The following EIF4G3 variants were observed in gnomAD, a reference collection of about 807,000 sequenced individuals.
EIF4G3 encodes eIF-4-gamma 3.
A neutral mutation model predicts 186.4 loss-of-function variants in EIF4G3; 34 were observed. That is an observed-to-expected ratio of 0.18 (90% CI 0.14 to 0.24). EIF4G3 has a LOEUF of 0.24. EIF4G3 is among the 10% of genes least tolerant of loss of function. The pLI is 1.00. For missense variants in EIF4G3, 1,536 were observed against 1,948.5 expected, an observed-to-expected ratio of 0.79 and a Z score of 3.99; for synonymous variants, 673 against 679.5, an observed-to-expected ratio of 0.99 and a Z score of 0.15.
intron 4 of EIF4G3, among the ~76,000 whole-genome samples, chr1:21,027,370 C>G (rs2092271764): frequency 1.3e-5 from 2 of 151,574 alleles, no homozygotes; most frequent in South Asian, 4.2e-4. Context: ...GTGGCTCGTG[C>G]CTGTAATCCC....
intron 2 of EIF4G3, among the ~76,000 whole-genome samples, chr1:21,159,915 G>A (rs2097731665): frequency 1.3e-5 from 2 of 152,138 alleles, no homozygotes; most frequent in Non-Finnish European, 2.9e-5. Flanking sequence ...AGACCAGCCT[G>A]GGCAACATGG....
At chr1:21,121,374 TTAAAA>T (rs1310898307) in intron 2 of EIF4G3, among the ~76,000 whole-genome samples, 1 of 152,148 alleles carries the variant, frequency 6.6e-6, no homozygotes, top group Non-Finnish European at 1.5e-5. Context: ...TTTCAAAAGT[TTAAAA>T]TAAATACATG....
intron 4 of EIF4G3, among the ~76,000 whole-genome samples, chr1:21,046,747 A>C (rs1310726835): frequency 1.3e-5 from 2 of 152,222 alleles, no homozygotes; most frequent in African/African-American, 4.8e-5. Flanking sequence ...GAAAATAACC[A>C]AGCCTAATAT....
Position 21,034,670 on chromosome 1 carries a change from G to A in EIF4G3, c.-67+16196C>T, listed in dbSNP as rs560341432. On this transcript the variant is annotated intron_variant, in intron 4 of 36. Transcript: ENST00000602326. ...CAAAGTGGCTGCTGACATGGCACTG[G>A]CAGAGGTGGGGTGCGGCCGCAGGCC... 1.7e-4 allele frequency among the ~76,000 whole-genome samples: 26 copies of A among 152,372 alleles called. No individual in the cohort carries two copies. The South Asian group carries it at 5.4e-3, about 32-fold the overall frequency.
At chr1:20,870,311 T>C (rs2078849024) in intron 20 of EIF4G3, among the ~76,000 whole-genome samples, 1 of 152,224 alleles carries the variant, frequency 6.6e-6, no homozygotes, top group African/African-American at 2.4e-5. Context: ...CTACAAGCTC[T>C]GTATCTGGCA....
chr1:21,120,292 C>T (rs1359953399), intron 2 of EIF4G3, among the ~76,000 whole-genome samples: 2 of 151,738 alleles, frequency 1.3e-5, no homozygotes, highest in African/African-American at 4.8e-5. Context: ...TGAGTAATCA[C>T]TCCTTTGTAA....
At chr1:21,090,057 T>C (rs2096133071) in intron 2 of EIF4G3, among the ~76,000 whole-genome samples, 1 of 152,208 alleles carries the variant, frequency 6.6e-6, no homozygotes, top group African/African-American at 2.4e-5. Flanking sequence ...CAGAACATGC[T>C]GATTTTTCAT....
At chr1:21,073,070 T>G (rs954271079) in intron 3 of EIF4G3, among the ~76,000 whole-genome samples, 2 of 152,188 alleles carry the variant, frequency 1.3e-5, no homozygotes, top group African/African-American at 4.8e-5. Context: ...CTGAATTCAT[T>G]TGGTCAGATT....
chr1:20,835,616 G>C (rs1214864099), intron 30 of EIF4G3, among the ~76,000 whole-genome samples: 1 of 152,052 alleles, frequency 6.6e-6, no homozygotes, highest in East Asian at 1.9e-4. Context: ...GAAAAAAACA[G>C]ATAAACTCAT....
chr1:20,996,735 G>T (rs547896400), intron 7 of EIF4G3, among the ~76,000 whole-genome samples: 10 of 152,160 alleles, frequency 6.6e-5, no homozygotes, highest in Non-Finnish European at 1.5e-4. Flanking sequence ...TAAGGCAGAG[G>T]TTATTTATCT....
chr1:20,960,666 G>A (rs1031256244), intron 12 of EIF4G3, among the ~76,000 whole-genome samples: 2 of 152,110 alleles, frequency 1.3e-5, no homozygotes, highest in African/African-American at 2.4e-5. Context: ...GGTGGAGGTG[G>A]GAGGATTGCT....
intron 4 of EIF4G3, among the ~76,000 whole-genome samples, chr1:21,028,190 GAA>G (rs2092373110): frequency 6.6e-6 from 1 of 152,164 alleles, no homozygotes; most frequent in Non-Finnish European, 1.5e-5. Context: ...CAAGATGAAA[GAA>G]AAGAGTTATA....
chr1:21,162,173 A>G (rs2097778323), intron 2 of EIF4G3: 1 of 152,434 alleles, frequency 6.6e-6, no homozygotes, highest in Non-Finnish European at 1.5e-5. Flanking sequence ...AATAATTTCC[A>G]TGTCTGTCTT....
chr1:21,171,917 C>T (rs1005358635), intron 2 of EIF4G3, among the ~76,000 whole-genome samples: 2 of 152,080 alleles, frequency 1.3e-5, no homozygotes, highest in African/African-American at 2.4e-5. Flanking sequence ...CTAGCAAGTA[C>T]TGTTTCTAAG....
chr1:21,022,401 T>C (rs577297579), intron 4 of EIF4G3, among the ~76,000 whole-genome samples: 1 of 152,334 alleles, frequency 6.6e-6, no homozygotes, highest in South Asian at 2.1e-4. Context: ...ACTCCCGTAG[T>C]ACTTACTCTG....
intron 12 of EIF4G3, among the ~76,000 whole-genome samples, chr1:20,963,800 C>A (rs1413459086): frequency 1.3e-5 from 2 of 151,870 alleles, no homozygotes; most frequent in Admixed American, 6.6e-5. Flanking sequence ...ACTAAAAATA[C>A]AAAAATTAGC....
At chr1:20,969,676 T>G in intron 11 of EIF4G3, 80 bp from the exon 12 acceptor site, 1 of 1,394,960 alleles carries the variant, frequency 7.2e-7, no homozygotes, top group Middle Eastern at 2.5e-4. Context: ...GAGTTAAAGG[T>G]GCAAACTGGG....
At chr1:21,076,645 A>G (rs1282794351) in intron 3 of EIF4G3, among the ~76,000 whole-genome samples, 1 of 152,234 alleles carries the variant, frequency 6.6e-6, no homozygotes, top group Non-Finnish European at 1.5e-5. Context: ...CCATTTATTT[A>G]TAGCCAATTC....
intron 33 of EIF4G3, among the ~76,000 whole-genome samples, chr1:20,823,716 CT>C: frequency 6.6e-6 from 1 of 152,202 alleles, no homozygotes; most frequent in South Asian, 2.1e-4. Flanking sequence ...TTTGACTAGT[CT>C]CTTGTTTGCT....
Sources: allele counts gnomAD v4.1 joint callset (sites outside exome capture counted in the v4.1 genomes callset), GRCh38; gene constraint gnomAD v4.1.1; transcripts MANE v1.5; gene names NCBI Gene and HGNC (gene_info 2026-07-23, HGNC 2026-07-21).